Variants in PPP2R2B observed in about 807,000 individuals in gnomAD.
PPP2R2B encodes the protein protein phosphatase 2 regulatory subunit Bbeta.
Under a neutral mutation model 46.0 loss-of-function variants are expected in PPP2R2B, and 5 were observed. The observed-to-expected ratio is 0.11, with a 90% confidence interval of 0.06 to 0.23. The LOEUF is 0.23. Ranked by LOEUF, PPP2R2B falls within the 10% of genes least tolerant of loss-of-function variation. The pLI is 1.00. For synonymous variants in PPP2R2B, 215 were observed against 206.7 expected, an observed-to-expected ratio of 1.04 and a Z score of -0.34; for missense variants, 367 against 575.0, an observed-to-expected ratio of 0.64 and a Z score of 3.70.
Position 146,589,715 on chromosome 5 carries a change from T to C in PPP2R2B, c.*232A>G. The stretch of plus-strand genomic sequence containing the variant: ...TTCAAGTCAACTATGGAAGAATTAC[T>C]GTTAGCTGGCAGCTTTCAATTCTAA... On this transcript the variant is annotated 3_prime_UTR_variant, in exon 10 of 10. Coordinates refer to ENST00000394411, the MANE Select transcript of PPP2R2B (RefSeq NM_181675.4). 1 of 509,532 alleles carries C rather than the reference T, an allele frequency of 2.0e-6. No homozygotes were observed. Among genetic ancestry groups the C allele is most frequent in the Non-Finnish European group, 3.5e-6 (1 of 288,646 alleles). The allele number at this position is 509,532 out of a possible 1,614,324, so 31.6% of individuals were successfully genotyped here.
chr5:146,749,123 T>C (rs1436310149), intron 2 of PPP2R2B, among the ~76,000 whole-genome samples: 1 of 152,226 alleles, frequency 6.6e-6, no homozygotes, highest in South Asian at 2.1e-4. Context: ...ATGTATCTCA[T>C]TGTGCTTTAA....
rs192449775 is a variant in PPP2R2B at position 146,830,896 on chromosome 5, A to G, written c.70+47106T>C. 2.6e-5 allele frequency among the ~76,000 whole-genome samples: 4 copies of G among 152,308 alleles called. No individual in the cohort carries two copies. The East Asian group carries it at 7.7e-4, about 29-fold the overall frequency. ...ATAACAATGTTTCAGTTTATGATGA[A>G]CCAATGTGTGATGGTGGTCCCATGA... On this transcript the variant is annotated intron_variant, in intron 2 of 9. Transcript: ENST00000394411.
chr5:146,933,690 TTA>T (rs1764042659), intron 1 of PPP2R2B, among the ~76,000 whole-genome samples: 1 of 151,914 alleles, frequency 6.6e-6, no homozygotes, highest in Non-Finnish European at 1.5e-5. Context: ...TTTTTTTCTT[TTA>T]TTATTATACT....
At chr5:146,898,557 G>C (rs1343127537) in intron 1 of PPP2R2B, among the ~76,000 whole-genome samples, 1 of 151,468 alleles carries the variant, frequency 6.6e-6, no homozygotes, top group African/African-American at 2.4e-5. Context: ...TCAGGACATA[G>C]GCATGGGCAA....
At chr5:146,853,668 AT>A (rs925153859) in intron 2 of PPP2R2B, among the ~76,000 whole-genome samples, 191 of 149,624 alleles carry the variant, frequency 1.3e-3, no homozygotes, top group African/African-American at 3.3e-3. Flanking sequence ...AACTGCTATC[AT>A]TTTTTTTTTC....
In PPP2R2B at chr5:146,727,793, C is replaced by T. The variant is rs79695843; in HGVS notation, c.71-26651G>A. Among the ~76,000 whole-genome samples the T allele has an allele frequency of 6.7e-3, 1,013 of 151,910 alleles. 13 individuals are homozygous for T. Among genetic ancestry groups the T allele is most frequent in the African/African-American group, 0.023 (968 of 41,402 alleles). On this transcript the variant is annotated intron_variant, in intron 2 of 9. Coordinates refer to ENST00000394411, the MANE Select transcript of PPP2R2B (RefSeq NM_181675.4). Reference sequence around the variant, plus strand: ...GTTGTGCAGATCTCTAAAACTTCTTCTTCTTGTGTAATTGAAATGTTATAT... The same window carrying T: ...GTTGTGCAGATCTCTAAAACTTCTTTTTCTTGTGTAATTGAAATGTTATAT...
In PPP2R2B at chr5:146,582,304, G is replaced by A. The variant is rs1463324084; in HGVS notation, c.*7643C>T. ...ATATTTAGTGCTGCAGCCTGGGTGTGGGGGCAATATCTTGGATGTGATAAT... is the reference window on the plus strand; with the variant it reads ...ATATTTAGTGCTGCAGCCTGGGTGTAGGGGCAATATCTTGGATGTGATAAT... On this transcript the variant is annotated 3_prime_UTR_variant, in exon 10 of 10. Coordinates refer to ENST00000394411, the MANE Select transcript of PPP2R2B (RefSeq NM_181675.4). 1 of 152,194 alleles carries A rather than the reference G, an allele frequency of 6.6e-6. No homozygotes were observed. The highest frequency in any genetic ancestry group is 1.5e-5 in the Non-Finnish European group (1 of 68,054). The allele number at this position is 152,194 out of a possible 1,614,324, so 9.4% of individuals were successfully genotyped here. A position where few individuals can be genotyped will look rare whatever the true frequency, so the allele number is the denominator to read the frequency against.
intron 2 of PPP2R2B, among the ~76,000 whole-genome samples, chr5:147,062,810 C>T (rs898898111): frequency 2.6e-5 from 4 of 151,944 alleles, no homozygotes; most frequent in South Asian, 4.2e-4. Flanking sequence ...CAATGACTAC[C>T]GTAATCATGT....
chr5:146,992,008 G>T (rs1017620581), intron 1 of PPP2R2B, among the ~76,000 whole-genome samples: 1 of 151,922 alleles, frequency 6.6e-6, no homozygotes, highest in African/African-American at 2.4e-5. Flanking sequence ...ATTTTTCATA[G>T]AAATAGAAGA....
At chr5:146,710,427 A>T (rs1193158623) in intron 2 of PPP2R2B, among the ~76,000 whole-genome samples, 1 of 152,216 alleles carries the variant, frequency 6.6e-6, no homozygotes. Context: ...GTTGATAAAG[A>T]TTGCCTTTTA....
At chr5:147,062,670 C>T (rs976015375) in intron 2 of PPP2R2B, among the ~76,000 whole-genome samples, 1 of 151,896 alleles carries the variant, frequency 6.6e-6, no homozygotes, top group Non-Finnish European at 1.5e-5. Context: ...CATTATCTCC[C>T]CTACTGTCTA....
intron 1 of PPP2R2B, among the ~76,000 whole-genome samples, chr5:146,898,782 AAAAC>A (rs200478345): frequency 0.18 from 13,777 of 78,544 alleles, 1,718 homozygotes; most frequent in East Asian, 0.36. Context: ...TTACAAGAAA[AAAAC>A]AAACAACCCC....
chr5:146,939,019 A>G (rs1764244393), intron 1 of PPP2R2B, among the ~76,000 whole-genome samples: 1 of 151,952 alleles, frequency 6.6e-6, no homozygotes, highest in Non-Finnish European at 1.5e-5. Flanking sequence ...AAGCTCAGGC[A>G]ATCAGATATG....
At chr5:146,707,527 G>T (rs1779938229) in intron 2 of PPP2R2B, 1 of 729,626 alleles carries the variant, frequency 1.4e-6, no homozygotes, top group East Asian at 2.6e-5. Flanking sequence ...GCCCACTCGT[G>T]TAGGAGCAGC....
chr5:146,918,348 T>C (rs1763468459), intron 1 of PPP2R2B: 1 of 152,196 alleles, frequency 6.6e-6, no homozygotes, highest in Admixed American at 6.5e-5. Flanking sequence ...CTTTCCATAG[T>C]ATGGGGCAGG....
chr5:146,986,956 T>C (rs933187568), intron 1 of PPP2R2B, among the ~76,000 whole-genome samples: 3 of 151,940 alleles, frequency 2.0e-5, no homozygotes, highest in African/African-American at 7.3e-5. Context: ...TCTTAAGGCA[T>C]ATAATAAACT....
intron 2 of PPP2R2B, among the ~76,000 whole-genome samples, chr5:146,841,629 T>C (rs1304345906): frequency 2.6e-5 from 4 of 152,196 alleles, no homozygotes; most frequent in Admixed American, 6.5e-5. Flanking sequence ...TCATGTCCTT[T>C]GCAGGGACAT....
At chr5:146,787,488 C>T (rs188396891) in intron 2 of PPP2R2B, among the ~76,000 whole-genome samples, 37 of 152,004 alleles carry the variant, frequency 2.4e-4, no homozygotes, top group African/African-American at 8.9e-4. Flanking sequence ...CAGAGCTCTT[C>T]CTTCCTTTCC....
At chr5:146,757,635 G>A (rs906993165) in intron 2 of PPP2R2B, among the ~76,000 whole-genome samples, 1 of 152,170 alleles carries the variant, frequency 6.6e-6, no homozygotes, top group African/African-American at 2.4e-5. Context: ...GTCTTCCCTG[G>A]AGTGTCCCAA....
Sources: allele counts gnomAD v4.1 joint callset (sites outside exome capture counted in the v4.1 genomes callset), GRCh38; gene constraint gnomAD v4.1.1; transcripts MANE v1.5; gene names NCBI Gene and HGNC (gene_info 2026-07-23, HGNC 2026-07-21).